Variants in GRIK4 observed in about 807,000 individuals in gnomAD.
GRIK4 encodes glutamate ionotropic receptor kainate type subunit 4.
Under a neutral mutation model 104.9 loss-of-function variants are expected in GRIK4, and 40 were observed. The observed-to-expected ratio is 0.38, with a 90% confidence interval of 0.30 to 0.50. The LOEUF is 0.50. Ranked by LOEUF, GRIK4 falls within the 20% of genes least tolerant of loss-of-function variation. The pLI, the probability that GRIK4 is intolerant of heterozygous loss-of-function variation, is 0.93. For synonymous variants in GRIK4, 485 were observed against 524.9 expected (o/e 0.92, Z 1.04); for missense variants, 1,047 against 1,308.1 (o/e 0.80, Z 3.08).
Position 120,902,705 on chromosome 11 carries a change from G to A in GRIK4, c.1273-2585G>A, listed in dbSNP as rs1417861183. ...AATCGGAAAACATTGGAGGGTGATT[G>A]TGTGGGCCCTGGCATGAGAGCAGGG... On this transcript the variant is annotated intron_variant, in intron 12 of 20. Transcript: ENST00000527524. This position sits in a 1 kb window ranked among gnomAD's most constrained non-coding sequence, Gnocchi z 4.5. 6.6e-6 allele frequency among the ~76,000 whole-genome samples: 1 copy of A among 152,174 alleles called. No individual in the cohort carries two copies. The highest frequency in any genetic ancestry group is 1.5e-5 in the Non-Finnish European group (1 of 68,026).
chr11:120,777,070 C>T (rs1225394439), intron 3 of GRIK4, among the ~76,000 whole-genome samples: 3 of 152,164 alleles, frequency 2.0e-5, no homozygotes, highest in African/African-American at 4.8e-5. Context: ...ACCTGTGCTG[C>T]TCGGGTGATG....
intron 1 of GRIK4, among the ~76,000 whole-genome samples, chr11:120,617,340 G>A (rs1472330558): frequency 6.6e-6 from 1 of 151,950 alleles, no homozygotes; most frequent in Admixed American, 6.6e-5. Context: ...TTCATGACTG[G>A]GAAAAGCTTT....
At chr11:120,550,342 T>TGGGGGTGGGGTGAGGTG (rs1948127135) in intron 1 of GRIK4, among the ~76,000 whole-genome samples, 1 of 10,154 alleles carries the variant, frequency 9.8e-5, no homozygotes, top group African/African-American at 1.3e-4. Flanking sequence ...CAGGGGTTGG[T>TGGGGGTGGGGTGAGGTG]GGGGGTGGGG....
chr11:120,729,801 C>T (rs563866975), intron 3 of GRIK4, among the ~76,000 whole-genome samples: 2 of 152,118 alleles, frequency 1.3e-5, no homozygotes, highest in East Asian at 3.9e-4. Context: ...TCTGTGTTTG[C>T]CTGTGCTTGT....
chr11:120,940,280 G>T lies in GRIK4; in HGVS notation c.1477-67G>T. The T allele has an allele frequency of 1.1e-6, 1 of 928,754 alleles. No homozygotes were observed. Among genetic ancestry groups the T allele is most frequent in the Admixed American group, 2.0e-5 (1 of 50,638 alleles). The allele number at this position is 928,754 out of a possible 1,614,324, so 57.5% of individuals were successfully genotyped here. A position where few individuals can be genotyped will look rare whatever the true frequency, so the allele number is the denominator to read the frequency against. ...ATCTCCAATAGCAGTGACGGTTGCTGGTCGCAAGTCTCTGTGCCTCTTCTC... is the reference window on the plus strand; with the variant it reads ...ATCTCCAATAGCAGTGACGGTTGCTTGTCGCAAGTCTCTGTGCCTCTTCTC... On this transcript the variant is annotated intron_variant, in intron 13 of 20. Coordinates refer to ENST00000527524, the MANE Select transcript of GRIK4 (RefSeq NM_014619.5). The surrounding 1 kb of genome is among the most constrained non-coding windows in gnomAD (Gnocchi z 4.3).
intron 4 of GRIK4, among the ~76,000 whole-genome samples, chr11:120,809,041 A>G (rs1952773401): frequency 1.3e-5 from 2 of 152,076 alleles, no homozygotes; most frequent in Non-Finnish European, 2.9e-5. Flanking sequence ...AGTGGCACTT[A>G]CCATTAGCTC....
chr11:120,782,616 G>A (rs1353838957), intron 3 of GRIK4, among the ~76,000 whole-genome samples: 2 of 152,154 alleles, frequency 1.3e-5, no homozygotes, highest in Non-Finnish European at 2.9e-5. Flanking sequence ...AGCAGACATT[G>A]GGATGCTCTG....
At chr11:120,873,106 G>A (rs1954659311) in intron 9 of GRIK4, 1 of 152,158 alleles carries the variant, frequency 6.6e-6, no homozygotes, top group Non-Finnish European at 1.5e-5. Context: ...ATGAAAATGT[G>A]GGCACACAAC....
Position 120,986,371 on chromosome 11 carries a change from G to T in GRIK4, c.*111G>T. ...CTTGTACAGCGTCGACACCTCTCCA[G>T]ATTTCGGATCCAGTCACTTTTCAAA... On this transcript the variant is annotated 3_prime_UTR_variant, in exon 21 of 21. Transcript: ENST00000527524. The T allele has an allele frequency of 7.7e-7, 1 of 1,290,510 alleles. No homozygotes were observed. The highest frequency in any genetic ancestry group is 3.7e-5 in the Admixed American group (1 of 26,940). The allele number at this position is 1,290,510 out of a possible 1,614,324, so 79.9% of individuals were successfully genotyped here.
intron 3 of GRIK4, among the ~76,000 whole-genome samples, chr11:120,671,464 T>C (rs573388683): frequency 6.6e-6 from 1 of 152,296 alleles, no homozygotes; most frequent in East Asian, 1.9e-4. Flanking sequence ...TGATTTGGAT[T>C]TCTGTAATGG....
At chr11:120,891,902 C>T (rs1055096666) in intron 11 of GRIK4, among the ~76,000 whole-genome samples, 3 of 152,038 alleles carry the variant, frequency 2.0e-5, no homozygotes, top group African/African-American at 2.4e-5. Context: ...TGAAGGTCCA[C>T]GTGATAAATA....
chr11:120,542,228 T>C (rs1193226017), intron 1 of GRIK4, among the ~76,000 whole-genome samples: 1 of 152,168 alleles, frequency 6.6e-6, no homozygotes, highest in Admixed American at 6.5e-5. Context: ...CAATAAATGG[T>C]GTGGGGAAAA....
chr11:120,853,222 G>A (rs1412836104), intron 8 of GRIK4, among the ~76,000 whole-genome samples: 1 of 152,162 alleles, frequency 6.6e-6, no homozygotes, highest in African/African-American at 2.4e-5. Context: ...GGACACTGAG[G>A]AAAAGGTAGG....
At chr11:120,930,006 G>GGT (rs964237535) in intron 13 of GRIK4, among the ~76,000 whole-genome samples, 1 of 151,996 alleles carries the variant, frequency 6.6e-6, no homozygotes, top group Non-Finnish European at 1.5e-5. Context: ...CACGTTTGGG[G>GGT]GGGGGGTCCC....
chr11:120,678,833 C>G (rs977323656), intron 3 of GRIK4, among the ~76,000 whole-genome samples: 14 of 152,002 alleles, frequency 9.2e-5, no homozygotes, highest in African/African-American at 3.1e-4. Context: ...CAGGGTTTCA[C>G]CATCTTGGCC....
chr11:120,828,181 A>G (rs1255869301), intron 6 of GRIK4, among the ~76,000 whole-genome samples: 1 of 152,210 alleles, frequency 6.6e-6, no homozygotes, highest in East Asian at 1.9e-4. Context: ...CCCTGCCTGC[A>G]CTGGGGTTAT....
chr11:120,520,294 C>G (rs1947781357), intron 1 of GRIK4, among the ~76,000 whole-genome samples: 1 of 152,242 alleles, frequency 6.6e-6, no homozygotes, highest in South Asian at 2.1e-4. Flanking sequence ...CCCAGCCCGT[C>G]CAGCCATCAG....
At chr11:120,783,156 C>A (rs886266857) in intron 3 of GRIK4, among the ~76,000 whole-genome samples, 2 of 152,208 alleles carry the variant, frequency 1.3e-5, no homozygotes, top group Non-Finnish European at 2.9e-5. Flanking sequence ...CCCAGCCCCA[C>A]GTCAGTAGTG....
chr11:120,799,378 T>A (rs1000448767), intron 3 of GRIK4, among the ~76,000 whole-genome samples: 1 of 152,158 alleles, frequency 6.6e-6, no homozygotes, highest in Non-Finnish European at 1.5e-5. Context: ...GGCAAGCCTG[T>A]TGCTATTGGT....
Sources: gnomAD v4.1 joint callset for allele counts (sites outside exome capture counted in the v4.1 genomes callset) on GRCh38, gnomAD v4.1.1 for gene constraint, Gnocchi (gnomAD v3.1) non-coding constraint, MANE v1.5 for transcripts, NCBI Gene and HGNC (gene_info 2026-07-23, HGNC 2026-07-21) for gene names.